DPP10: variants seen among roughly 807,000 people sequenced by gnomAD.
The protein encoded by DPP10 is dipeptidyl peptidase like 10.
A neutral mutation model predicts 120.9 loss-of-function variants in DPP10; 33 were observed. The observed-to-expected ratio is 0.27, with a 90% confidence interval of 0.21 to 0.37. DPP10 has a LOEUF of 0.37. Ranked by LOEUF, DPP10 falls within the 10% of genes least tolerant of loss-of-function variation. The probability of loss-of-function intolerance (pLI) is 1.00; values close to 1 mark genes in which losing one functional copy is unlikely to be tolerated. For missense variants in DPP10, 816 were observed against 942.8 expected (o/e 0.87, Z 1.76); for synonymous variants, 337 against 326.1 (o/e 1.03, Z -0.36).
Position 115,712,552 on chromosome 2 carries a change from A to T in DPP10, c.577-15264A>T, listed in dbSNP as rs1428849284. On this transcript the variant is annotated intron_variant, in intron 7 of 25. Coordinates refer to ENST00000410059, the MANE Select transcript of DPP10 (RefSeq NM_020868.6). ...GAAGAGTCCTGAATTAAATATATAT[A>T]TATATATATATATAAAGAAACTGTC... 4.2e-4 allele frequency among the ~76,000 whole-genome samples: 47 copies of T among 112,100 alleles called. 4 individuals carry two copies. The highest frequency in any genetic ancestry group is 1.1e-3 in the Admixed American group (13 of 11,688). 73.5% of individuals were successfully genotyped at this position (112,100 alleles called of 152,430 possible). A position where few individuals can be genotyped will look rare whatever the true frequency, so the allele number is the denominator to read the frequency against.
At chr2:114,976,253 C>T (rs970388765) in intron 1 of DPP10, among the ~76,000 whole-genome samples, 1 of 152,062 alleles carries the variant, frequency 6.6e-6, no homozygotes, top group South Asian at 2.1e-4. Context: ...TTTTCTTCTA[C>T]CTTCCCTCTG....
At chr2:114,965,964 CAAAAAAA>C (rs57107624) in intron 1 of DPP10, among the ~76,000 whole-genome samples, 4 of 74,808 alleles carry the variant, frequency 5.3e-5, no homozygotes, top group African/African-American at 1.5e-4. Flanking sequence ...GACTCCTTCT[CAAAAAAA>C]AAAAAAAAAA....
intron 7 of DPP10, among the ~76,000 whole-genome samples, chr2:115,693,097 A>G (rs533399006): frequency 2.0e-5 from 3 of 152,354 alleles, no homozygotes; most frequent in Non-Finnish European, 4.4e-5. Context: ...GCAATTGTCC[A>G]GATACCACAG....
intron 1 of DPP10, among the ~76,000 whole-genome samples, chr2:114,812,583 GACACACACACAC>G (rs3036385): frequency 1.6e-4 from 22 of 134,522 alleles, no homozygotes; most frequent in East Asian, 4.3e-4. Context: ...GTGAGACATT[GACACACACACAC>G]ACACACACAC....
intron 1 of DPP10, among the ~76,000 whole-genome samples, chr2:114,975,778 G>A (rs1476912991): frequency 6.6e-6 from 1 of 152,078 alleles, no homozygotes; most frequent in Admixed American, 6.5e-5. Context: ...AGCCTCCTGT[G>A]TAGCTGGGAT....
At chr2:115,178,961 A>G (rs1462932139) in intron 1 of DPP10, among the ~76,000 whole-genome samples, 1 of 152,240 alleles carries the variant, frequency 6.6e-6, no homozygotes. Flanking sequence ...AAGCCAAACC[A>G]TCATAATCGA....
At chr2:115,559,673 T>C (rs2080444372) in intron 5 of DPP10, among the ~76,000 whole-genome samples, 1 of 152,150 alleles carries the variant, frequency 6.6e-6, no homozygotes. Context: ...ACTGTGTGAA[T>C]CATACATTTA....
Position 114,663,666 on chromosome 2 carries a change from T to TAGAGAG in DPP10, c.60+220829_60+220830insGAGAGA, listed in dbSNP as rs1264946349. Among the ~76,000 whole-genome samples, 220 of 92,590 alleles carry TAGAGAG rather than the reference T, an allele frequency of 2.4e-3. 1 individual carries two copies. Among genetic ancestry groups the TAGAGAG allele is most frequent in the African/African-American group, 4.5e-3 (67 of 14,950 alleles). The allele number at this position is 92,590 out of a possible 152,430, so 60.7% of individuals were successfully genotyped here. A position where few individuals can be genotyped will look rare whatever the true frequency, so the allele number is the denominator to read the frequency against. On this transcript the variant is annotated intron_variant, in intron 1 of 25. Transcript: ENST00000410059. ...ATATATATATATATATATATATATA[T>TAGAGAG]ATAGAGAGAGAGAGAGAGAGAGAGA...
At chr2:115,372,530 G>T (rs886886529) in intron 3 of DPP10, among the ~76,000 whole-genome samples, 3 of 152,148 alleles carry the variant, frequency 2.0e-5, no homozygotes, top group African/African-American at 7.2e-5. Context: ...AGCTCAACTA[G>T]ATGAAAAACG....
intron 1 of DPP10, among the ~76,000 whole-genome samples, chr2:114,859,851 G>C (rs762351957): frequency 6.6e-6 from 1 of 152,092 alleles, no homozygotes; most frequent in Non-Finnish European, 1.5e-5. Flanking sequence ...CAATTACCAC[G>C]ATTTCAGGGC....
intron 5 of DPP10, among the ~76,000 whole-genome samples, chr2:115,537,527 G>C (rs2078924741): frequency 6.9e-6 from 1 of 145,646 alleles, no homozygotes; most frequent in South Asian, 2.2e-4. Flanking sequence ...AGAAAACATA[G>C]TTATTGCACC....
chr2:114,517,128 T>A (rs1292827120), intron 1 of DPP10, among the ~76,000 whole-genome samples: 1 of 152,198 alleles, frequency 6.6e-6, no homozygotes, highest in Non-Finnish European at 1.5e-5. Flanking sequence ...CAGATTGATA[T>A]CACAGGTAAT....
chr2:114,650,843 A>G (rs892600303), intron 1 of DPP10, among the ~76,000 whole-genome samples: 1 of 152,222 alleles, frequency 6.6e-6, no homozygotes, highest in African/African-American at 2.4e-5. Context: ...ATTCCATTGA[A>G]GATACCATGT....
chr2:115,239,098 C>G (rs552979985), intron 1 of DPP10, among the ~76,000 whole-genome samples: 8 of 152,252 alleles, frequency 5.3e-5, no homozygotes, highest in Admixed American at 4.6e-4. Context: ...GGTGCCCCCC[C>G]CAGATTAAGG....
intron 24 of DPP10, among the ~76,000 whole-genome samples, chr2:115,838,707 C>T (rs1689783492): frequency 6.6e-6 from 1 of 152,140 alleles, no homozygotes; most frequent in Non-Finnish European, 1.5e-5. Context: ...CCTGGCGCTT[C>T]ACCCATCTAA....
chr2:115,039,082 A>G (rs1040981681), intron 1 of DPP10, among the ~76,000 whole-genome samples: 1 of 152,200 alleles, frequency 6.6e-6, no homozygotes, highest in Non-Finnish European at 1.5e-5. Flanking sequence ...AGAGAAGGAC[A>G]GTGGTATCCT....
intron 2 of DPP10, among the ~76,000 whole-genome samples, chr2:115,332,907 T>TG (rs1197152482): frequency 1.3e-5 from 2 of 152,152 alleles, no homozygotes; most frequent in East Asian, 1.9e-4. Flanking sequence ...TCTGTTGATT[T>TG]GGGTGGAGAG....
intron 1 of DPP10, among the ~76,000 whole-genome samples, chr2:114,970,358 T>C (rs543184384): frequency 6.6e-6 from 1 of 152,300 alleles, no homozygotes; most frequent in Admixed American, 6.5e-5. Context: ...CAGCTCTGAT[T>C]CTATGTAGCT....
chr2:115,278,592 G>A (rs992708692), intron 1 of DPP10, among the ~76,000 whole-genome samples: 2 of 152,018 alleles, frequency 1.3e-5, no homozygotes, highest in African/African-American at 4.8e-5. Context: ...TCTACTTATG[G>A]TGGAAGGCAA....
Sources: gnomAD v4.1 joint callset for allele counts (sites outside exome capture counted in the v4.1 genomes callset) on GRCh38, gnomAD v4.1.1 for gene constraint, MANE v1.5 for transcripts, NCBI Gene and HGNC (gene_info 2026-07-23, HGNC 2026-07-21) for gene names.